The following TRDN variants were observed in gnomAD, a reference collection of about 807,000 sequenced individuals.
TRDN encodes the protein triadin in skeletal muscle.
A neutral mutation model predicts 149.7 loss-of-function variants in TRDN; 161 were observed. The ratio of observed to expected loss-of-function variants is 1.08; its 90% CI spans 0.95 to 1.23. The LOEUF is 1.23. TRDN is among the 50% of genes most tolerant of loss of function. TRDN has a pLI of 0.00. For missense variants in TRDN, 896 were observed against 823.5 expected (o/e 1.09, Z -1.08); for synonymous variants, 294 against 250.5 (o/e 1.17, Z -1.64).
intron 1 of TRDN, among the ~76,000 whole-genome samples, chr6:123,605,333 T>G (rs1784481808): frequency 1.3e-5 from 2 of 150,022 alleles, no homozygotes; most frequent in Admixed American, 1.3e-4. Flanking sequence ...AAAATATACA[T>G]TAACTCTTTC....
chr6:123,406,633 G>A (rs1773202114), intron 12 of TRDN, among the ~76,000 whole-genome samples: 1 of 151,964 alleles, frequency 6.6e-6, no homozygotes, highest in Non-Finnish European at 1.5e-5. Context: ...AGGTTTTGCT[G>A]TGACTCATTG....
intron 19 of TRDN, among the ~76,000 whole-genome samples, chr6:123,370,801 G>T (rs1450957983): frequency 6.6e-6 from 1 of 150,806 alleles, no homozygotes; most frequent in Non-Finnish European, 1.5e-5. Context: ...TTACTTAGAG[G>T]TTGAACATCT....
intron 38 of TRDN, among the ~76,000 whole-genome samples, chr6:123,231,558 A>G (rs1775602812): frequency 6.6e-6 from 1 of 152,068 alleles, no homozygotes; most frequent in Non-Finnish European, 1.5e-5. Context: ...AAAAAATTTT[A>G]ATGTAGTTTA....
At chr6:123,475,135 G>T (rs1317464660) in intron 9 of TRDN, among the ~76,000 whole-genome samples, 6 of 151,030 alleles carry the variant, frequency 4.0e-5, no homozygotes, top group Non-Finnish European at 8.9e-5. Flanking sequence ...TTTTTGAAAG[G>T]ATCAACAAAA....
chr6:123,443,010 T>C (rs572849251), intron 10 of TRDN, among the ~76,000 whole-genome samples: 1 of 152,224 alleles, frequency 6.6e-6, no homozygotes, highest in South Asian at 2.1e-4. Context: ...TAGAATGTGT[T>C]TGAGTCCCCT....
chr6:123,271,728 T>C (rs1777212950), intron 29 of TRDN, among the ~76,000 whole-genome samples: 3 of 151,942 alleles, frequency 2.0e-5, no homozygotes, highest in Admixed American at 1.3e-4. Flanking sequence ...ATTATTGCCC[T>C]GATACTACAT....
intron 26 of TRDN, among the ~76,000 whole-genome samples, chr6:123,277,869 T>C (rs1777430367): frequency 6.6e-6 from 1 of 152,192 alleles, no homozygotes; most frequent in East Asian, 1.9e-4. Flanking sequence ...AATACAATTA[T>C]GAAACATTAA....
intron 1 of TRDN, among the ~76,000 whole-genome samples, chr6:123,597,090 A>G (rs545431433): frequency 1.5e-4 from 23 of 152,242 alleles, no homozygotes; most frequent in Non-Finnish European, 2.1e-4. Flanking sequence ...TGGAGGATTC[A>G]CCATTCTATA....
At chr6:123,242,900 C>A (rs1176080426) in intron 38 of TRDN, among the ~76,000 whole-genome samples, 3 of 152,062 alleles carry the variant, frequency 2.0e-5, no homozygotes, top group Admixed American at 1.3e-4. Context: ...AAAGAAGGAA[C>A]TCATATTGAG....
chr6:123,442,880 C>T (rs971959601), intron 10 of TRDN, among the ~76,000 whole-genome samples: 4 of 152,024 alleles, frequency 2.6e-5, no homozygotes, highest in African/African-American at 9.7e-5. Flanking sequence ...ATGAAGGGTA[C>T]TGTACTGCAA....
chr6:123,325,026 T>G (rs1052233635), intron 23 of TRDN, among the ~76,000 whole-genome samples: 1 of 152,168 alleles, frequency 6.6e-6, no homozygotes, highest in Non-Finnish European at 1.5e-5. Flanking sequence ...CTGATTGGTC[T>G]TTTTTATTAA....
intron 9 of TRDN, among the ~76,000 whole-genome samples, chr6:123,477,601 A>G (rs1327613642): frequency 1.4e-4 from 21 of 151,692 alleles, no homozygotes; most frequent in Admixed American, 1.4e-3. Context: ...CTATAAAGAC[A>G]CATGCACACG....
At chr6:123,635,158 C>T (rs1348528476) in intron 1 of TRDN, among the ~76,000 whole-genome samples, 1 of 151,948 alleles carries the variant, frequency 6.6e-6, no homozygotes. Flanking sequence ...ATAACTTGTG[C>T]AGAGCTAAAC....
chr6:123,536,847 G>T (rs532499781), intron 4 of TRDN, among the ~76,000 whole-genome samples: 3 of 152,110 alleles, frequency 2.0e-5, no homozygotes, highest in African/African-American at 7.2e-5. Flanking sequence ...TGGTGACACT[G>T]CATTTCCGCC....
chr6:123,305,887 G>C (rs532360830), intron 24 of TRDN, among the ~76,000 whole-genome samples: 1 of 151,982 alleles, frequency 6.6e-6, no homozygotes, highest in Non-Finnish European at 1.5e-5. Context: ...GGTAAAGCTG[G>C]TATTCTCTGC....
intron 9 of TRDN, among the ~76,000 whole-genome samples, chr6:123,486,788 A>T (rs2114784640): frequency 6.6e-6 from 1 of 152,072 alleles, no homozygotes; most frequent in East Asian, 1.9e-4. Flanking sequence ...TATTTTGTTT[A>T]TTGCTATATC....
chr6:123,592,246 G>A (rs148113471), intron 1 of TRDN, among the ~76,000 whole-genome samples: 245 of 152,182 alleles, frequency 1.6e-3, no homozygotes, highest in African/African-American at 5.7e-3. Context: ...AATAATGAAT[G>A]GACTTTTTCT....
chr6:123,350,413 G>A (rs981890711), intron 21 of TRDN: 46 of 664,982 alleles, frequency 6.9e-5, no homozygotes, highest in Non-Finnish European at 8.4e-5. Flanking sequence ...AAGTCCACAT[G>A]TTTAAACAAA....
chr6:123,387,690 G>C (rs945211413), intron 14 of TRDN, among the ~76,000 whole-genome samples: 3 of 152,124 alleles, frequency 2.0e-5, no homozygotes. Flanking sequence ...TATTGATCTA[G>C]TTTACATGAG....
Sources: allele counts gnomAD v4.1 joint callset (sites outside exome capture counted in the v4.1 genomes callset), GRCh38; gene constraint gnomAD v4.1.1; transcripts MANE v1.5; gene names NCBI Gene and HGNC (gene_info 2026-07-23, HGNC 2026-07-21).